Variants in MOB2 observed in about 807,000 individuals in gnomAD.
The protein encoded by MOB2 is MOB2 Mps One Binder homolog.
A neutral mutation model predicts 27.4 loss-of-function variants in MOB2; 14 were observed. The ratio of observed to expected loss-of-function variants is 0.51; its 90% CI spans 0.34 to 0.80. MOB2 has a LOEUF of 0.80. Ranked by LOEUF, MOB2 falls within the 30% of genes least tolerant of loss-of-function variation. MOB2 has a pLI of 0.01. For synonymous variants in MOB2, 167 were observed against 151.8 expected (o/e 1.10, Z -0.74); for missense variants, 304 against 354.6 (o/e 0.86, Z 1.15).
At position 1,469,597 on chromosome 11, in the gene MOB2, T is replaced by C. The variant is rs1163382261; in HGVS notation, c.*575A>G. ...CTGAGGACTGCACCATGGGTGTTCC[T>C]TGGGCATGGAGGAGGCAGCAGGAAG... On this transcript the variant is annotated 3_prime_UTR_variant, in exon 5 of 5. Coordinates refer to ENST00000329957, the MANE Select transcript of MOB2 (RefSeq NM_001172223.3). 1.1e-5 allele frequency: 5 copies of C among 456,746 alleles called. No homozygotes were observed. The highest frequency in any genetic ancestry group is 2.2e-5 in the Non-Finnish European group (5 of 227,098). 28.3% of individuals were successfully genotyped at this position (456,746 alleles called of 1,614,324 possible).
intron 3 of MOB2, among the ~76,000 whole-genome samples, chr11:1,478,024 C>T (rs916225131): frequency 6.6e-6 from 1 of 152,212 alleles, no homozygotes; most frequent in African/African-American, 2.4e-5. Flanking sequence ...ATTCTGACTG[C>T]GTCTCTTCAC....
intron 1 of MOB2, among the ~76,000 whole-genome samples, chr11:1,484,977 T>C (rs568189902): frequency 1.3e-3 from 192 of 152,138 alleles, no homozygotes; most frequent in African/African-American, 3.6e-3. Flanking sequence ...CAGAGGCCCA[T>C]TGAGAAGGAA....
At chr11:1,473,916 C>G (rs1847825150) in intron 3 of MOB2, among the ~76,000 whole-genome samples, 1 of 152,262 alleles carries the variant, frequency 6.6e-6, no homozygotes, top group Non-Finnish European at 1.5e-5. Context: ...GCGGATCCTC[C>G]CGATCTGGGC....
chr11:1,471,601 T>C, intron 3 of MOB2, 182 bp from the exon 4 acceptor site: 1 of 663,570 alleles, frequency 1.5e-6, no homozygotes, highest in South Asian at 2.0e-5. Flanking sequence ...GGGACCACAC[T>C]GCACTCTATG....
intron 3 of MOB2, chr11:1,471,969 A>C (rs1847798015): frequency 6.5e-6 from 1 of 152,710 alleles, no homozygotes; most frequent in South Asian, 2.1e-4. Flanking sequence ...CAGGACAGGG[A>C]CCTGGCCCCC....
chr11:1,480,262 G>A (rs1847895703), intron 3 of MOB2, 131 bp downstream of exon 3: 6 of 789,208 alleles, frequency 7.6e-6, no homozygotes, highest in Non-Finnish European at 1.2e-5. Flanking sequence ...GTTGTGGAAG[G>A]CCTGTGCCAA....
In MOB2 at chr11:1,473,504, A is replaced by T. The variant is rs1313931710; in HGVS notation, c.366-2085T>A. The T allele has an allele frequency of 2.0e-5, 3 of 152,182 alleles. No individual in the cohort carries two copies. In the East Asian group the frequency reaches 5.8e-4, roughly 29 times the overall value. The allele number at this position is 152,182 out of a possible 1,614,324, so 9.4% of individuals were successfully genotyped here. A position where few individuals can be genotyped will look rare whatever the true frequency, so the allele number is the denominator to read the frequency against. Reference sequence around the variant, plus strand: ...GAGGACCCAGCCAGGATGGCTCAGCACTCTGCAGGAGTCAGACACTGGCTC... The same window carrying T: ...GAGGACCCAGCCAGGATGGCTCAGCTCTCTGCAGGAGTCAGACACTGGCTC... On this transcript the variant is annotated intron_variant, in intron 3 of 4. Coordinates refer to ENST00000329957, the MANE Select transcript of MOB2 (RefSeq NM_001172223.3).
chr11:1,476,491 T>C (rs531438940), intron 3 of MOB2, among the ~76,000 whole-genome samples: 172 of 152,360 alleles, frequency 1.1e-3, no homozygotes, highest in African/African-American at 4.0e-3. Context: ...TCCTTTTTAT[T>C]GATCATTGCA....
chr11:1,483,089 T>C (rs946178982), intron 1 of MOB2, among the ~76,000 whole-genome samples: 1 of 152,214 alleles, frequency 6.6e-6, no homozygotes, highest in African/African-American at 2.4e-5. Context: ...AAAACACCTC[T>C]GCGGCGCCCC....
chr11:1,474,365 T>C (rs1322746734), intron 3 of MOB2, among the ~76,000 whole-genome samples: 1 of 152,220 alleles, frequency 6.6e-6, no homozygotes, highest in East Asian at 1.9e-4. Context: ...AGCCTGGAGT[T>C]TGTCTTCTTT....
chr11:1,471,559 G>T, intron 3 of MOB2, 140 bp from the exon 4 acceptor site: 1 of 979,128 alleles, frequency 1.0e-6, no homozygotes, highest in Non-Finnish European at 1.5e-6. Context: ...TCCCTCCCTG[G>T]ACATGCACAC....
intron 3 of MOB2, among the ~76,000 whole-genome samples, chr11:1,475,071 C>T (rs1847837917): frequency 6.6e-6 from 1 of 152,208 alleles, no homozygotes. Context: ...TGCGTCTCTC[C>T]ATTTATGTAG....
Position 1,471,436 on chromosome 11 carries a change from A to T in MOB2, c.366-17T>A. 6.2e-7 allele frequency: 1 copy of T among 1,605,520 alleles called. No homozygotes were observed. Among genetic ancestry groups the T allele is most frequent in the Admixed American group, 1.7e-5 (1 of 59,648 alleles). The stretch of plus-strand genomic sequence containing the variant: ...TAGTACTGTCTGTGGAGACAGAGAC[A>T]CGGTCAGGGCATGCGCCCGCTGCAC... On this transcript the variant is annotated splice_polypyrimidine_tract_variant and intron_variant, in intron 3 of 4. Transcript: ENST00000329957.
At chr11:1,483,884 C>T (rs1564911836) in intron 1 of MOB2, among the ~76,000 whole-genome samples, 1 of 152,160 alleles carries the variant, frequency 6.6e-6, no homozygotes, top group Non-Finnish European at 1.5e-5. Context: ...GCTGGGCTCC[C>T]GTGGAAAACT....
At position 1,486,677 on chromosome 11, in the gene MOB2, G is replaced by T; in HGVS notation, c.-121C>A. 1 of 663,714 alleles carries T rather than the reference G, an allele frequency of 1.5e-6. No individual in the cohort carries two copies. The highest frequency in any genetic ancestry group is 2.6e-6 in the Non-Finnish European group (1 of 379,094). 41.1% of individuals were successfully genotyped at this position (663,714 alleles called of 1,614,324 possible). The stretch of plus-strand genomic sequence containing the variant: ...CCTGGCCAATGGGACGCCTGGCAGA[G>T]ACAAACAGCTGCCCCCTTTCCAGAG... On this transcript the variant is annotated 5_prime_UTR_variant, in exon 1 of 5. Coordinates refer to ENST00000329957, the MANE Select transcript of MOB2 (RefSeq NM_001172223.3).
intron 1 of MOB2, chr11:1,481,715 C>CAGGGGCAGGGGCAGGG (rs1847915843): frequency 2.1e-4 from 1 of 4,790 alleles, no homozygotes; most frequent in African/African-American, 1.7e-3. Context: ...GGGGCAGGAG[C>CAGGGGCAGGGGCAGGG]AGGGGCAGGG....
At chr11:1,471,105 C>T (rs1032840808) in intron 4 of MOB2, among the ~76,000 whole-genome samples, 190 bp downstream of exon 4, 1 of 152,244 alleles carries the variant, frequency 6.6e-6, no homozygotes, top group Non-Finnish European at 1.5e-5. Context: ...CTGGGCTGAC[C>T]CCTGCCCAAG....
chr11:1,484,001 C>G (rs1028092242), intron 1 of MOB2, among the ~76,000 whole-genome samples: 1 of 152,198 alleles, frequency 6.6e-6, no homozygotes, highest in African/African-American at 2.4e-5. Flanking sequence ...GCCGCCCACT[C>G]CTCATCCGCC....
Position 1,470,363 on chromosome 11 carries a change from A to G in MOB2, c.616T>C (p.Leu206=). 6.2e-7 allele frequency: 1 copy of G among 1,613,660 alleles called. No individual in the cohort carries two copies. The highest frequency in any genetic ancestry group is 8.5e-7 in the Non-Finnish European group (1 of 1,179,894). The change falls in exon 5 of 5, where the codon TTG becomes CTG. Residue 206 remains leucine (L), a synonymous_variant. Coordinates refer to ENST00000329957, the MANE Select transcript of MOB2 (RefSeq NM_001172223.3). Reference sequence around the variant, plus strand: ...ATGAAGTGGACGTAGAGCGTGTTCAAGTGTCCGTGCAGCTCCAGGGCCAGC... The same window carrying G: ...ATGAAGTGGACGTAGAGCGTGTTCAGGTGTCCGTGCAGCTCCAGGGCCAGC... ...ETLALELHGH[L]NTLYVHFILF...
Sources: gnomAD v4.1 joint callset for allele counts (sites outside exome capture counted in the v4.1 genomes callset) on GRCh38, gnomAD v4.1.1 for gene constraint, MANE v1.5 for transcripts, NCBI Gene and HGNC (gene_info 2026-07-23, HGNC 2026-07-21) for gene names.